The following PEX7 variants were observed in gnomAD, a reference collection of about 807,000 sequenced individuals.
PEX7 encodes the protein peroxisomal biogenesis factor 7, also known as PTS2 receptor.
Under a neutral mutation model 47.5 loss-of-function variants are expected in PEX7, and 34 were observed. The ratio of observed to expected loss-of-function variants is 0.72; its 90% confidence interval spans 0.54 to 0.95. The LOEUF (loss-of-function observed/expected upper bound fraction) is 0.95. PEX7 is among the 40% of genes least tolerant of loss of function. The pLI is 0.00. For missense variants in PEX7, 394 were observed against 400.3 expected (o/e 0.98, Z 0.13); for synonymous variants, 141 against 148.8 (o/e 0.95, Z 0.38).
At chr6:136,830,549 C>T (rs180767543) in intron 3 of PEX7, among the ~76,000 whole-genome samples, 1 of 152,170 alleles carries the variant, frequency 6.6e-6, no homozygotes, top group Non-Finnish European at 1.5e-5. Context: ...TAACTGGTGT[C>T]TGCAGAGGTC....
Position 136,908,870 on chromosome 6 carries a change from CT to C in PEX7, c.904-4587del, listed in dbSNP as rs372860002. Among the ~76,000 whole-genome samples the C allele has an allele frequency of 2.5e-3, 387 of 152,298 alleles. 12 individuals carry two copies. The South Asian group carries it at 0.042, about 17-fold the overall frequency. ...CATTTTCCTTTTTTCCACTGTGCCC[CT>C]GACCCAAAAACAGCAACAAATGCTG... is the stretch of plus-strand genomic sequence containing the variant. On this transcript the variant is annotated intron_variant, in intron 9 of 9. Transcript: ENST00000318471.
In PEX7 at chr6:136,897,944, T is replaced by TTA. The variant is rs1562756698; in HGVS notation, c.804-189_804-188dup. Among the ~76,000 whole-genome samples, 3 of 151,860 alleles carry TTA rather than the reference T, an allele frequency of 2.0e-5. No individual in the cohort carries two copies. In the East Asian group the frequency reaches 5.8e-4, roughly 29 times the overall value. On this transcript the variant is annotated intron_variant, in intron 8 of 9. Transcript: ENST00000318471. ...GGTAGATTGATGTAGGGTTTTTTTTTTATATATATAATAGGATGGAGTACT... is the reference window on the plus strand; with the variant it reads ...GGTAGATTGATGTAGGGTTTTTTTTTTATATATATATAATAGGATGGAGTACT...
intron 9 of PEX7, among the ~76,000 whole-genome samples, chr6:136,909,311 AAAAC>A (rs111784711): frequency 3.3e-5 from 5 of 152,192 alleles, no homozygotes; most frequent in Admixed American, 6.5e-5. Context: ...CCTGAAATTA[AAAAC>A]AAACAAACAA....
At chr6:136,901,300 A>T (rs1775750141) in intron 9 of PEX7, 1 of 152,234 alleles carries the variant, frequency 6.6e-6, no homozygotes, top group African/African-American at 2.4e-5. Context: ...CTGTGTAATG[A>T]ACAACTTCCA....
intron 8 of PEX7, among the ~76,000 whole-genome samples, chr6:136,885,937 C>G (rs1775461147): frequency 1.3e-5 from 2 of 152,084 alleles, no homozygotes; most frequent in Non-Finnish European, 2.9e-5. Context: ...CTAATAGTAC[C>G]CACCACATGG....
intron 3 of PEX7, among the ~76,000 whole-genome samples, chr6:136,831,404 G>T (rs1165128636): frequency 6.6e-6 from 1 of 152,182 alleles, no homozygotes; most frequent in Admixed American, 6.5e-5. Context: ...CTGGACACAT[G>T]GGGATTACAA....
At chr6:136,880,761 TTG>T (rs1775363400) in intron 8 of PEX7, among the ~76,000 whole-genome samples, 1 of 152,228 alleles carries the variant, frequency 6.6e-6, no homozygotes. Flanking sequence ...CTATATAGCT[TTG>T]TTTGTATAAA....
chr6:136,836,540 C>T (rs1774387469), intron 3 of PEX7, among the ~76,000 whole-genome samples: 1 of 152,100 alleles, frequency 6.6e-6, no homozygotes, highest in Non-Finnish European at 1.5e-5. Flanking sequence ...AAAACAAGCA[C>T]ATTAATCTAA....
At chr6:136,890,741 A>G (rs538220492) in intron 8 of PEX7, among the ~76,000 whole-genome samples, 178 of 152,308 alleles carry the variant, frequency 1.2e-3, no homozygotes, top group African/African-American at 3.5e-3. Flanking sequence ...TCACTAATAA[A>G]TGACCAAAGC....
intron 5 of PEX7, among the ~76,000 whole-genome samples, chr6:136,858,171 T>C (rs1774896214): frequency 6.6e-6 from 1 of 152,204 alleles, no homozygotes; most frequent in South Asian, 2.1e-4. Context: ...TGGAAATGTA[T>C]AAATGGATTC....
Position 136,900,391 on chromosome 6 carries a change from G to A in PEX7, c.903+2150G>A. On this transcript the variant is annotated intron_variant, in intron 9 of 9. Transcript: ENST00000318471. The surrounding 1 kb of genome is among the most constrained non-coding windows in gnomAD (Gnocchi z 4.2). ...AACCGTGTACATTTAATCCAGTTTA[G>A]TGGCAGGTTCTTTAGCCTTTGCCTT... 2.9e-6 allele frequency: 1 copy of A among 348,288 alleles called. No individual in the cohort carries two copies. Among genetic ancestry groups the A allele is most frequent in the Non-Finnish European group, 5.7e-6 (1 of 174,132 alleles). The allele number at this position is 348,288 out of a possible 1,614,324, so 21.6% of individuals were successfully genotyped here.
chr6:136,894,864 A>G (rs1775621588), intron 8 of PEX7, among the ~76,000 whole-genome samples: 1 of 152,258 alleles, frequency 6.6e-6, no homozygotes, highest in African/African-American at 2.4e-5. Flanking sequence ...AGTAGTATAT[A>G]TGCTGGATCA....
chr6:136,852,940 A>C (rs1434113356), intron 5 of PEX7, among the ~76,000 whole-genome samples: 5 of 125,464 alleles, frequency 4.0e-5, no homozygotes, highest in African/African-American at 1.3e-4. Context: ...CCAAAACAGC[A>C]TGGTACTGGT....
intron 3 of PEX7, among the ~76,000 whole-genome samples, chr6:136,834,425 C>T (rs1452802610): frequency 6.6e-6 from 1 of 152,228 alleles, no homozygotes; most frequent in African/African-American, 2.4e-5. Context: ...CCATGTTGCC[C>T]AGGCTGGTCT....
At chr6:136,838,662 A>G (rs988431377) in intron 3 of PEX7, among the ~76,000 whole-genome samples, 3 of 152,132 alleles carry the variant, frequency 2.0e-5, no homozygotes, top group African/African-American at 7.2e-5. Context: ...GTGCTTATGT[A>G]AAAAAAGATA....
At chr6:136,825,741 G>T (rs1774175716) in intron 2 of PEX7, among the ~76,000 whole-genome samples, 1 of 152,028 alleles carries the variant, frequency 6.6e-6, no homozygotes, top group South Asian at 2.1e-4. Context: ...CATCATTTTG[G>T]CCAGGCTGGT....
intron 5 of PEX7, among the ~76,000 whole-genome samples, chr6:136,846,690 T>G (rs1774609770): frequency 1.3e-5 from 2 of 152,232 alleles, no homozygotes; most frequent in South Asian, 4.1e-4. Context: ...TTTTTATGGC[T>G]GCATAGTATT....
intron 5 of PEX7, among the ~76,000 whole-genome samples, chr6:136,863,874 A>G (rs1775010101): frequency 6.6e-6 from 1 of 152,164 alleles, no homozygotes; most frequent in African/African-American, 2.4e-5. Context: ...GCATCACTGC[A>G]CTCCAGCCTG....
chr6:136,897,915 ATAGGGTAGATTGATG>A (rs895510080), intron 8 of PEX7, among the ~76,000 whole-genome samples: 1 of 151,952 alleles, frequency 6.6e-6, no homozygotes, highest in African/African-American at 2.4e-5. Context: ...ATAATCTTTT[ATAGGGTAGATTGATG>A]TAGGGTTTTT....
Sources: allele counts gnomAD v4.1 joint callset (sites outside exome capture counted in the v4.1 genomes callset), GRCh38; gene constraint gnomAD v4.1.1; non-coding constraint Gnocchi (gnomAD v3.1); transcripts MANE v1.5; gene names NCBI Gene and HGNC (gene_info 2026-07-23, HGNC 2026-07-21).